MKLN1: variants seen among roughly 807,000 people sequenced by gnomAD.
The protein encoded by MKLN1 is muskelin.
A neutral mutation model predicts 99.0 loss-of-function variants in MKLN1; 18 were observed. The ratio of observed to expected loss-of-function variants is 0.18; its 90% CI spans 0.13 to 0.27. The LOEUF (loss-of-function observed/expected upper bound fraction) is 0.27, where lower values mean the gene tolerates loss of function less well. Among genes scored for constraint, MKLN1 ranks in the 10% least tolerant of loss-of-function variants. The probability of loss-of-function intolerance (pLI) is 1.00; values close to 1 mark genes in which losing one functional copy is unlikely to be tolerated. For synonymous variants in MKLN1, 288 were observed against 293.2 expected (o/e 0.98, Z 0.18); for missense variants, 621 against 875.9 (o/e 0.71, Z 3.67).
chr7:131,401,984 TGTGACA>T (rs1261277299), intron 6 of MKLN1, among the ~76,000 whole-genome samples: 3 of 152,206 alleles, frequency 2.0e-5, no homozygotes, highest in Admixed American at 1.3e-4. Context: ...TTGGGGTGGC[TGTGACA>T]GTTTCTTAAA....
At chr7:131,421,044 T>C (rs1041531972) in intron 8 of MKLN1, among the ~76,000 whole-genome samples, 4 of 152,236 alleles carry the variant, frequency 2.6e-5, no homozygotes, top group African/African-American at 7.2e-5. Flanking sequence ...CTACTTGTTA[T>C]GCCATTTAGA....
upstream of MKLN1, among the ~76,000 whole-genome samples, chr7:131,324,703 T>A (rs1798849633): frequency 6.6e-6 from 1 of 152,204 alleles, no homozygotes; most frequent in African/African-American, 2.4e-5. Context: ...AGTAGGTTAA[T>A]GTTTAGCTTC....
intron 17 of MKLN1, among the ~76,000 whole-genome samples, chr7:131,479,699 C>T (rs913068778): frequency 1.3e-5 from 2 of 151,604 alleles, no homozygotes; most frequent in Non-Finnish European, 2.9e-5. Context: ...TGGTGGCGGG[C>T]GCCTGTAGTC....
At chr7:131,337,266 GA>G (rs1799274767) in intron 1 of MKLN1, among the ~76,000 whole-genome samples, 1 of 152,030 alleles carries the variant, frequency 6.6e-6, no homozygotes, top group African/African-American at 2.4e-5. Flanking sequence ...GATCAGCTGT[GA>G]AAAAATTTTG....
intron 3 of MKLN1, among the ~76,000 whole-genome samples, chr7:131,288,132 A>T (rs1464359232): frequency 6.6e-6 from 1 of 151,180 alleles, no homozygotes; most frequent in African/African-American, 2.4e-5. Flanking sequence ...CAAGGATGTT[A>T]CCCCACAGAT....
At chr7:131,203,741 A>G (rs17165484) in intron 3 of MKLN1, among the ~76,000 whole-genome samples, 58,352 of 151,886 alleles carry the variant, frequency 0.38, 11,784 homozygotes, top group South Asian at 0.59. Flanking sequence ...CTGCCTGGAG[A>G]GTCGGCTTCT....
chr7:131,213,325 T>G (rs1312152819), intron 3 of MKLN1, among the ~76,000 whole-genome samples: 1 of 152,222 alleles, frequency 6.6e-6, no homozygotes, highest in Admixed American at 6.5e-5. Context: ...ATTATTCTCT[T>G]GCTTGAATAT....
intron 8 of MKLN1, among the ~76,000 whole-genome samples, chr7:131,422,736 A>AG (rs1273378923): frequency 6.6e-6 from 1 of 151,818 alleles, no homozygotes; most frequent in Admixed American, 6.6e-5. Flanking sequence ...TTTAGTCTGT[A>AG]GGGTTTTTTT....
intron 1 of MKLN1, among the ~76,000 whole-genome samples, chr7:131,124,409 C>T (rs1462316416): frequency 6.6e-6 from 1 of 152,176 alleles, no homozygotes; most frequent in Non-Finnish European, 1.5e-5. Flanking sequence ...TACAATAAGG[C>T]ACCTGGCCAG....
chr7:131,314,825 G>A (rs753119629), intron 3 of MKLN1, among the ~76,000 whole-genome samples: 8 of 152,008 alleles, frequency 5.3e-5, no homozygotes, highest in African/African-American at 9.6e-5. Flanking sequence ...GCGGGAGTGC[G>A]GTGTGACATG....
intron 1 of MKLN1, among the ~76,000 whole-genome samples, chr7:131,114,154 G>A (rs1374838519): frequency 6.6e-6 from 1 of 152,164 alleles, no homozygotes; most frequent in South Asian, 2.1e-4. Context: ...AGAACCAACA[G>A]AATTTGATTA....
intron 1 of MKLN1, among the ~76,000 whole-genome samples, chr7:131,119,675 C>T (rs1282478098): frequency 6.6e-6 from 1 of 152,188 alleles, no homozygotes; most frequent in Non-Finnish European, 1.5e-5. Flanking sequence ...TGATTCTTGC[C>T]TTCTGTGCAC....
chr7:131,323,080 T>C (rs1798816168), upstream of MKLN1, among the ~76,000 whole-genome samples: 1 of 152,204 alleles, frequency 6.6e-6, no homozygotes, highest in Non-Finnish European at 1.5e-5. Context: ...AGAAAAAATT[T>C]TGTTGGATCT....
intron 16 of MKLN1, 52 bp from the exon 17 acceptor site, chr7:131,478,571 A>T: frequency 6.8e-7 from 1 of 1,472,480 alleles, no homozygotes; most frequent in Non-Finnish European, 8.9e-7. Context: ...CCTTCAGTGC[A>T]CTTAGCCAGC....
At chr7:131,237,040 C>A (rs1044769963) in intron 3 of MKLN1, among the ~76,000 whole-genome samples, 2 of 152,094 alleles carry the variant, frequency 1.3e-5, no homozygotes, top group Non-Finnish European at 2.9e-5. Context: ...TCTGGTTCCC[C>A]CCAAGCTCTC....
At position 131,113,931 on chromosome 7, in the gene MKLN1, G is replaced by A. The variant is rs563887587; in HGVS notation, c.-419+3724G>A. Among the ~76,000 whole-genome samples, 18 of 152,308 alleles carry A rather than the reference G, an allele frequency of 1.2e-4. No individual in the cohort carries two copies. The East Asian group carries it at 1.4e-3, about 11-fold the overall frequency. The stretch of plus-strand genomic sequence containing the variant: ...ATCTCATGAGAACTCCCTCACTATC[G>A]TGAGAACAGCATGGAGGGAACTGCC... On this transcript the variant is annotated intron_variant, in intron 1 of 7. Transcript: ENST00000416992.
At chr7:131,417,094 A>G (rs1281338916) in intron 8 of MKLN1, among the ~76,000 whole-genome samples, 4 of 152,022 alleles carry the variant, frequency 2.6e-5, no homozygotes, top group Non-Finnish European at 4.4e-5. Context: ...GTAGTCATGG[A>G]ATTTTACTCC....
At chr7:131,161,814 C>T (rs1796053661) in intron 2 of MKLN1, among the ~76,000 whole-genome samples, 1 of 152,046 alleles carries the variant, frequency 6.6e-6, no homozygotes, top group South Asian at 2.1e-4. Flanking sequence ...GCTGGGATTA[C>T]AGGCGTGAGC....
chr7:131,423,655 A>G (rs886368526), intron 8 of MKLN1, among the ~76,000 whole-genome samples: 2 of 152,152 alleles, frequency 1.3e-5, no homozygotes, highest in Non-Finnish European at 2.9e-5. Flanking sequence ...ATTTTTTTAC[A>G]TGTGGTACCA....
Sources: gnomAD v4.1 joint callset for allele counts (sites outside exome capture counted in the v4.1 genomes callset) on GRCh38, gnomAD v4.1.1 for gene constraint, MANE v1.5 for transcripts, NCBI Gene and HGNC (gene_info 2026-07-23, HGNC 2026-07-21) for gene names.